BBOX1: variants seen among roughly 807,000 people sequenced by gnomAD.
BBOX1 encodes the protein gamma-butyrobetaine hydroxylase 1.
Under a neutral mutation model 41.6 loss-of-function variants are expected in BBOX1, and 35 were observed. That is an observed-to-expected ratio of 0.84 (90% confidence interval 0.64 to 1.11). The LOEUF (loss-of-function observed/expected upper bound fraction) is 1.11. BBOX1 is among the 50% of genes most tolerant of loss of function. The pLI, the probability that BBOX1 is intolerant of heterozygous loss-of-function variation, is 0.00. For synonymous variants in BBOX1, 163 were observed against 154.7 expected (o/e 1.05, Z -0.40); for missense variants, 458 against 460.6 (o/e 0.99, Z 0.05).
At chr11:27,074,741 T>C (rs775216511) in intron 4 of BBOX1, among the ~76,000 whole-genome samples, 3 of 152,220 alleles carry the variant, frequency 2.0e-5, no homozygotes, top group Non-Finnish European at 2.9e-5. Context: ...GATAGTTACA[T>C]TTAAAAGGGA....
At chr11:27,056,248 T>G (rs1856975543) in intron 3 of BBOX1, among the ~76,000 whole-genome samples, 1 of 152,150 alleles carries the variant, frequency 6.6e-6, no homozygotes, top group African/African-American at 2.4e-5. Flanking sequence ...TCATCACTAC[T>G]ATTACTTACT....
chr11:27,045,375 A>T (rs1851459869), intron 2 of BBOX1, among the ~76,000 whole-genome samples: 13 of 152,178 alleles, frequency 8.5e-5, no homozygotes. Context: ...TCATCTGCAA[A>T]CAAAGACAAT....
chr11:27,104,093 G>A (rs1356951578), intron 5 of BBOX1, among the ~76,000 whole-genome samples: 1 of 151,998 alleles, frequency 6.6e-6, no homozygotes, highest in Non-Finnish European at 1.5e-5. Flanking sequence ...CAGAAGGAAG[G>A]TCATGGAAGG....
chr11:27,086,709 T>C (rs1858054040), intron 4 of BBOX1, among the ~76,000 whole-genome samples: 1 of 152,124 alleles, frequency 6.6e-6, no homozygotes, highest in African/African-American at 2.4e-5. Flanking sequence ...ACACATTTTA[T>C]AAGGTTATTG....
At chr11:27,069,909 T>TTA (rs1206364852) in intron 4 of BBOX1, among the ~76,000 whole-genome samples, 2 of 152,108 alleles carry the variant, frequency 1.3e-5, no homozygotes, top group Non-Finnish European at 2.9e-5. Context: ...TTAATTCTGT[T>TTA]TATGTGATGT....
intron 4 of BBOX1, among the ~76,000 whole-genome samples, chr11:27,080,853 C>T (rs561940747): frequency 1.1e-4 from 16 of 152,248 alleles, no homozygotes; most frequent in African/African-American, 3.6e-4. Context: ...AATCAGTCAT[C>T]CTCATGTGTT....
rs145092482 is a variant in BBOX1 at position 27,093,074 on chromosome 11, A to G, written c.335-94A>G. The G allele has an allele frequency of 1.9e-4, 229 of 1,213,538 alleles. 3 individuals carry two copies. In the East Asian group the frequency reaches 5.0e-3, roughly 26 times the overall value. The allele number at this position is 1,213,538 out of a possible 1,614,324, so 75.2% of individuals were successfully genotyped here. ...TAATAAAGTCCATTATAAATCAACAATCAACTTTAATGAACTAGCCCCTTC... is the reference window on the plus strand; with the variant it reads ...TAATAAAGTCCATTATAAATCAACAGTCAACTTTAATGAACTAGCCCCTTC... On this transcript the variant is annotated intron_variant, in intron 4 of 8. Transcript: ENST00000263182.
At chr11:27,059,475 T>G (rs949549043) in intron 4 of BBOX1, among the ~76,000 whole-genome samples, 4 of 152,080 alleles carry the variant, frequency 2.6e-5, no homozygotes, top group African/African-American at 9.7e-5. Context: ...GGAAAATGAG[T>G]TGGAGGCCCC....
chr11:27,067,470 C>T (rs1442349943), intron 4 of BBOX1, among the ~76,000 whole-genome samples: 1 of 151,868 alleles, frequency 6.6e-6, no homozygotes, highest in Non-Finnish European at 1.5e-5. Context: ...CGCGGTGGCT[C>T]ACATCTGTAA....
intron 4 of BBOX1, among the ~76,000 whole-genome samples, chr11:27,077,959 C>T (rs1857693204): frequency 6.6e-6 from 1 of 152,096 alleles, no homozygotes; most frequent in South Asian, 2.1e-4. Context: ...TCTCGTTCCC[C>T]TTGCTCATGT....
chr11:27,059,804 C>G (rs1857087288), intron 4 of BBOX1, among the ~76,000 whole-genome samples: 1 of 152,174 alleles, frequency 6.6e-6, no homozygotes, highest in Admixed American at 6.5e-5. Flanking sequence ...GCCCTGTACT[C>G]CCCTTTCTTT....
chr11:27,118,745 G>T (rs1408914923), intron 6 of BBOX1, among the ~76,000 whole-genome samples: 2 of 151,848 alleles, frequency 1.3e-5, no homozygotes, highest in African/African-American at 2.4e-5. Flanking sequence ...CTGTACAAAA[G>T]AAAGTATCAA....
chr11:27,124,462 G>A (rs1859573801), intron 7 of BBOX1, among the ~76,000 whole-genome samples: 1 of 152,112 alleles, frequency 6.6e-6, no homozygotes, highest in Admixed American at 6.5e-5. Context: ...TTCATGTCTT[G>A]CTAATTATAA....
chr11:27,125,366 TTAAC>T (rs1447601506), intron 7 of BBOX1, among the ~76,000 whole-genome samples: 7 of 152,108 alleles, frequency 4.6e-5, no homozygotes, highest in East Asian at 1.9e-4. Context: ...ATGAATGACT[TTAAC>T]TAAGCATAAC....
At chr11:27,089,506 A>T (rs1858161704) in intron 4 of BBOX1, among the ~76,000 whole-genome samples, 2 of 152,094 alleles carry the variant, frequency 1.3e-5, no homozygotes, top group Admixed American at 1.3e-4. Context: ...AATTCCATAC[A>T]ACAGTCTACA....
chr11:27,113,295 A>G (rs574556308), intron 5 of BBOX1, among the ~76,000 whole-genome samples: 38 of 152,082 alleles, frequency 2.5e-4, no homozygotes, highest in African/African-American at 8.9e-4. Context: ...CAATGCCACT[A>G]TTGAGTGTAT....
intron 5 of BBOX1, among the ~76,000 whole-genome samples, chr11:27,113,294 T>C (rs184091826): frequency 3.7e-4 from 56 of 152,090 alleles, no homozygotes; most frequent in Admixed American, 1.4e-3. Context: ...GCAATGCCAC[T>C]ATTGAGTGTA....
At chr11:27,071,410 G>A (rs1857443978) in intron 4 of BBOX1, among the ~76,000 whole-genome samples, 1 of 151,504 alleles carries the variant, frequency 6.6e-6, no homozygotes, top group Admixed American at 6.6e-5. Context: ...CTAAAGATAG[G>A]ATCCCAATCC....
intron 5 of BBOX1, among the ~76,000 whole-genome samples, chr11:27,099,082 C>A (rs894966098): frequency 1.3e-5 from 2 of 151,816 alleles, no homozygotes; most frequent in Non-Finnish European, 2.9e-5. Context: ...CTGAACAAGA[C>A]AACAAAAGCT....
Sources: gnomAD v4.1 joint callset for allele counts (sites outside exome capture counted in the v4.1 genomes callset) on GRCh38, gnomAD v4.1.1 for gene constraint, MANE v1.5 for transcripts, NCBI Gene and HGNC (gene_info 2026-07-23, HGNC 2026-07-21) for gene names.